The following TLCD3B variants were observed in gnomAD, a reference collection of about 807,000 sequenced individuals.
The protein encoded by TLCD3B is TLC domain containing 3B.
A neutral mutation model predicts 23.0 loss-of-function variants in TLCD3B; 9 were observed. The observed-to-expected ratio is 0.39, with a 90% CI of 0.24 to 0.68. The LOEUF (loss-of-function observed/expected upper bound fraction) is 0.68, where lower values mean the gene tolerates loss of function less well. Among genes scored for constraint, TLCD3B ranks in the 30% least tolerant of loss-of-function variants. The probability of loss-of-function intolerance (pLI) is 0.44; values close to 1 mark genes in which losing one functional copy is unlikely to be tolerated. For missense variants in TLCD3B, 307 were observed against 371.8 expected (o/e 0.83, Z 1.43); for synonymous variants, 161 against 161.0 (o/e 1.00, Z 0.00).
Position 30,025,497 on chromosome 16 carries a change from C to T in TLCD3B, c.541-30G>A. 3 of 1,608,904 alleles carry T rather than the reference C, an allele frequency of 1.9e-6. No individual in the cohort carries two copies. Among genetic ancestry groups the T allele is most frequent in the Non-Finnish European group, 2.5e-6 (3 of 1,178,082 alleles). ...GGAGACACAGACACAGTGGCCACGGCAGCAGAAGGGCTCGGCCCCCCTTGG... is the reference window on the plus strand; with the variant it reads ...GGAGACACAGACACAGTGGCCACGGTAGCAGAAGGGCTCGGCCCCCCTTGG... On this transcript the variant is annotated intron_variant, in intron 4 of 4. Transcript: ENST00000380495. The surrounding 1 kb of genome is among the most constrained non-coding windows in gnomAD (Gnocchi z 4.1).
intron 1 of TLCD3B, among the ~76,000 whole-genome samples, chr16:30,049,859 G>A (rs1247547136): frequency 1.3e-5 from 2 of 151,812 alleles, no homozygotes; most frequent in Non-Finnish European, 2.9e-5. Context: ...GGGAGGCAGA[G>A]GTTGCAGTGC....
chr16:30,048,793 C>T (rs919232712), intron 1 of TLCD3B, among the ~76,000 whole-genome samples: 4 of 151,240 alleles, frequency 2.6e-5, no homozygotes, highest in South Asian at 2.1e-4. Flanking sequence ...TTTTTGGGGG[C>T]GGAGTCTCTG....
rs767277588 is a variant in TLCD3B at position 30,030,503 on chromosome 16, C to T, written c.25G>A (p.Gly9Arg). The change falls in exon 1 of 5, where the codon GGG (glycine) becomes AGG (arginine). Residue 9 changes from glycine to arginine, a missense_variant. By Grantham distance (125) the Gly-to-Arg change is moderately radical. Coordinates refer to ENST00000380495, the MANE Select transcript of TLCD3B (RefSeq NM_031478.6). ...AGGAAGAGTCCGGGGAACACCACCC[C>T]CCCGGCCACCATCGGGGTCAGCATG... MLTPMVAGGVVFPGLFLLS... is the reference protein window; with the variant it reads MLTPMVAGRVVFPGLFLLS... 4.4e-6 allele frequency: 7 copies of T among 1,593,852 alleles called. No individual in the cohort carries two copies. Among genetic ancestry groups the T allele is most frequent in the Non-Finnish European group, 6.0e-6 (7 of 1,172,598 alleles).
At chr16:30,039,632 T>C (rs1269331833) in intron 3 of TLCD3B, among the ~76,000 whole-genome samples, 5 of 151,910 alleles carry the variant, frequency 3.3e-5, no homozygotes, top group African/African-American at 9.7e-5. Flanking sequence ...AGCTATGTTC[T>C]ATGGAAAGGA....
At position 30,025,866 on chromosome 16, in the gene TLCD3B, G is replaced by A. The variant is rs2071106809; in HGVS notation, c.445-45C>T. ...GGTGAGGAGCTGGGGCTCTCCCTGG[G>A]TTCTTGGGCAGCCCCCGCCCTTCCT... On this transcript the variant is annotated intron_variant, in intron 3 of 4. Coordinates refer to ENST00000380495, the MANE Select transcript of TLCD3B (RefSeq NM_031478.6). This position sits in a 1 kb window ranked among gnomAD's most constrained non-coding sequence, Gnocchi z 4.1. 2 of 1,503,780 alleles carry A rather than the reference G, an allele frequency of 1.3e-6. No homozygotes were observed. The highest frequency in any genetic ancestry group is 1.4e-5 in the African/African-American group (1 of 72,668). 93.2% of individuals were successfully genotyped at this position (1,503,780 alleles called of 1,614,324 possible).
rs1018184417 is a variant in TLCD3B, at chr16:30,039,103, C to CTTTTTTTTTTTTT, written c.-67+1879_-67+1891dup. Among the ~76,000 whole-genome samples, 18 of 99,638 alleles carry CTTTTTTTTTTTTT rather than the reference C, an allele frequency of 1.8e-4. 5 individuals carry two copies. The highest frequency in any genetic ancestry group is 3.3e-4 in the African/African-American group (8 of 24,256). 65.4% of individuals were successfully genotyped at this position (99,638 alleles called of 152,430 possible). On this transcript the variant is annotated intron_variant, in intron 3 of 6. Coordinates refer to the TLCD3B transcript ENST00000561666. The stretch of plus-strand genomic sequence containing the variant: ...TTATCCTTCTCCTCCTCCTTCCTCT[C>CTTTTTTTTTTTTT]TTTTTTTTTTTTTTTTTTTTTTTTT...
intron 2 of TLCD3B, among the ~76,000 whole-genome samples, chr16:30,045,340 G>A (rs1317314754): frequency 7.1e-6 from 1 of 141,664 alleles, no homozygotes; most frequent in Non-Finnish European, 1.5e-5. Flanking sequence ...GTTTGTGTGT[G>A]TTTGTGTGTG....
At chr16:30,032,227 C>T (rs1438642885), upstream of TLCD3B, among the ~76,000 whole-genome samples, 3 of 152,164 alleles carry the variant, frequency 2.0e-5, no homozygotes, top group Admixed American at 6.5e-5. Context: ...CCCCCTTTGA[C>T]TTCTGGCCTC....
intron 2 of TLCD3B, among the ~76,000 whole-genome samples, chr16:30,043,145 C>T (rs1166816990): frequency 1.3e-5 from 2 of 152,066 alleles, no homozygotes; most frequent in Non-Finnish European, 2.9e-5. Context: ...ACTAGACATC[C>T]GGCAGCAATC....
At chr16:30,036,352 AACT>A in intron 3 of TLCD3B, 1 of 1,288,616 alleles carries the variant, frequency 7.8e-7, no homozygotes, top group African/African-American at 1.5e-5. Flanking sequence ...GCAAGCCTGA[AACT>A]ACATATATTT....
In TLCD3B at chr16:30,029,515, C is replaced by T. The variant is rs774791265; in HGVS notation, c.126G>A (p.Arg42=). The change falls in exon 2 of 5, where the codon AGG becomes AGA. Residue 42 remains arginine, a splice_region_variant and synonymous_variant. Coordinates refer to ENST00000380495, the MANE Select transcript of TLCD3B (RefSeq NM_031478.6). This position sits in a 1 kb window ranked among gnomAD's most constrained non-coding sequence, Gnocchi z 4.6. The part of the protein sequence containing the change: ...EEADAVIVSA[R]LVSSVQAIMA... ...TGATGGCCTGGACAGAGGACACCAG[C>T]CTGGGGGAGAGAGGGAGGCGTGCTA... 2 of 1,613,406 alleles carry T rather than the reference C, an allele frequency of 1.2e-6. No individual in the cohort carries two copies. The highest frequency in any genetic ancestry group is 1.7e-6 in the Non-Finnish European group (2 of 1,179,582).
intron 3 of TLCD3B, chr16:30,036,398 C>A: frequency 7.8e-7 from 1 of 1,285,630 alleles, no homozygotes; most frequent in South Asian, 1.2e-5. Flanking sequence ...GAAAGACCTC[C>A]CCTCCCATCT....
At chr16:30,037,270 C>A (rs1596765518) in intron 3 of TLCD3B, among the ~76,000 whole-genome samples, 1 of 150,518 alleles carries the variant, frequency 6.6e-6, no homozygotes, top group Non-Finnish European at 1.5e-5. Flanking sequence ...AGGCCGGGCA[C>A]GGTGGCTCCC....
intron 3 of TLCD3B, among the ~76,000 whole-genome samples, chr16:30,039,393 G>A (rs2071538599): frequency 6.6e-6 from 1 of 151,970 alleles, no homozygotes; most frequent in Non-Finnish European, 1.5e-5. Flanking sequence ...AAAGTGCTGG[G>A]ATTACAGGTG....
intron 1 of TLCD3B, among the ~76,000 whole-genome samples, chr16:30,047,912 C>A (rs956831012): frequency 4.6e-5 from 7 of 150,698 alleles, no homozygotes; most frequent in Non-Finnish European, 7.4e-5. Context: ...GAGGCCAAGG[C>A]GGGTGAATTA....
chr16:30,027,563 A>G (rs545898999), intron 2 of TLCD3B: 26 of 456,040 alleles, frequency 5.7e-5, no homozygotes, highest in South Asian at 3.4e-4. Flanking sequence ...CCCTGCCCCA[A>G]AGTCACCCAA....
In TLCD3B at chr16:30,030,663, C is replaced by A. The variant is rs2071330168; in HGVS notation, c.-136G>T. 21 of 1,325,522 alleles carry A rather than the reference C, an allele frequency of 1.6e-5. No individual in the cohort carries two copies. Among genetic ancestry groups the A allele is most frequent in the East Asian group, 3.2e-5 (1 of 31,670 alleles). 82.1% of individuals were successfully genotyped at this position (1,325,522 alleles called of 1,614,324 possible). On this transcript the variant is annotated 5_prime_UTR_variant, in exon 1 of 5. Coordinates refer to ENST00000380495, the MANE Select transcript of TLCD3B (RefSeq NM_031478.6). The stretch of plus-strand genomic sequence containing the variant: ...AACGATGAGAAGGGGCACAAAGGGG[C>A]CAGGGCGGGGACGGGATGGGGCCAG...
chr16:30,036,574 G>A, intron 3 of TLCD3B: 1 of 400,424 alleles, frequency 2.5e-6, no homozygotes, highest in Admixed American at 4.0e-5. Context: ...GGGGAGGGCA[G>A]GAGTATGCTC....
chr16:30,029,712 C>T lies in TLCD3B; in HGVS notation c.126-197G>A, dbSNP rs1050465299. Reference sequence around the variant, plus strand: ...CCTCACGGCTCTCCGGCCCGCTCGGCTGCTGTTCCTCAGTCCACCCCACTC... The same window carrying T: ...CCTCACGGCTCTCCGGCCCGCTCGGTTGCTGTTCCTCAGTCCACCCCACTC... On this transcript the variant is annotated intron_variant, in intron 1 of 4. Coordinates refer to ENST00000380495, the MANE Select transcript of TLCD3B (RefSeq NM_031478.6). This position sits in a 1 kb window ranked among gnomAD's most constrained non-coding sequence, Gnocchi z 4.6. 6.6e-6 allele frequency among the ~76,000 whole-genome samples: 1 copy of T among 152,228 alleles called. No homozygotes were observed. The highest frequency in any genetic ancestry group is 1.5e-5 in the Non-Finnish European group (1 of 68,032).
Sources: gnomAD v4.1 joint callset for allele counts (sites outside exome capture counted in the v4.1 genomes callset) on GRCh38, gnomAD v4.1.1 for gene constraint, Gnocchi (gnomAD v3.1) non-coding constraint, MANE v1.5 for transcripts, NCBI Gene and HGNC (gene_info 2026-07-23, HGNC 2026-07-21) for gene names.